The following OMA1 variants were observed in gnomAD, a reference collection of about 807,000 sequenced individuals.
OMA1 encodes the protein OMA1 zinc metallopeptidase, also known as metalloendopeptidase OMA1, mitochondrial.
OMA1 carries 38 observed loss-of-function variants against 30.9 expected under a neutral mutation model. That is an observed-to-expected ratio of 1.23 (90% CI 0.95 to 1.61). OMA1 has a LOEUF of 1.61. Among genes scored for constraint, OMA1 ranks in the 40% most tolerant of loss-of-function variants. The probability of loss-of-function intolerance (pLI) is 0.00; values close to 1 mark genes in which losing one functional copy is unlikely to be tolerated. For synonymous variants in OMA1, 173 were observed against 121.9 expected, an observed-to-expected ratio of 1.42 and a Z score of -2.76; for missense variants, 461 against 349.2, an observed-to-expected ratio of 1.32 and a Z score of -2.55.
At chr1:58,483,315 G>A (rs560152813) in intron 8 of OMA1, among the ~76,000 whole-genome samples, 1 of 152,254 alleles carries the variant, frequency 6.6e-6, no homozygotes, top group African/African-American at 2.4e-5. Context: ...GGGTATGGTA[G>A]GGGCACAGGT....
intron 1 of OMA1, among the ~76,000 whole-genome samples, chr1:58,543,335 G>A (rs577041873): frequency 6.6e-6 from 1 of 152,286 alleles, no homozygotes; most frequent in South Asian, 2.1e-4. Context: ...ACTTTGCAAA[G>A]CCAAATTTAC....
intron 7 of OMA1, among the ~76,000 whole-genome samples, chr1:58,526,083 T>C (rs1646345392): frequency 6.6e-6 from 1 of 152,096 alleles, no homozygotes; most frequent in Non-Finnish European, 1.5e-5. Context: ...AGGAATAACT[T>C]ACTGAGATAA....
intron 8 of OMA1, among the ~76,000 whole-genome samples, chr1:58,493,454 T>C (rs1450325564): frequency 6.6e-6 from 1 of 151,696 alleles, no homozygotes; most frequent in Non-Finnish European, 1.5e-5. Context: ...GGGTATTCAA[T>C]TAGGAAAAGA....
chr1:58,538,159 A>G lies in OMA1; in HGVS notation c.500+636T>C, dbSNP rs1237867007. On this transcript the variant is annotated intron_variant, in intron 2 of 8. Coordinates refer to ENST00000371226, the MANE Select transcript of OMA1 (RefSeq NM_145243.5). ...TCATCAAACACAAGAAAGCTTTATGAAGAAACAGTGATTAGCTTTCTTCCA... is the reference window on the plus strand; with the variant it reads ...TCATCAAACACAAGAAAGCTTTATGGAGAAACAGTGATTAGCTTTCTTCCA... 2.0e-5 allele frequency among the ~76,000 whole-genome samples: 3 copies of G among 152,362 alleles called. No individual in the cohort carries two copies. The East Asian group carries it at 5.8e-4, about 29-fold the overall frequency.
chr1:58,530,786 T>G, intron 5 of OMA1, 57 bp from the exon 6 acceptor site: 1 of 820,092 alleles, frequency 1.2e-6, no homozygotes, highest in Non-Finnish European at 2.1e-6. Context: ...AGTATATGCT[T>G]ACATTTTCTA....
chr1:58,521,924 C>G (rs1299599792), intron 7 of OMA1, among the ~76,000 whole-genome samples: 4 of 152,174 alleles, frequency 2.6e-5, no homozygotes, highest in Non-Finnish European at 5.9e-5. Flanking sequence ...GCCAGCATAA[C>G]TTTGATTCCA....
intron 7 of OMA1, among the ~76,000 whole-genome samples, chr1:58,521,068 T>C (rs765122003): frequency 3.3e-4 from 50 of 152,168 alleles, no homozygotes; most frequent in Non-Finnish European, 2.8e-4. Flanking sequence ...CCAACCCTTT[T>C]CAAAGGATTC....
intron 8 of OMA1, among the ~76,000 whole-genome samples, chr1:58,488,796 G>A (rs1313139377): frequency 1.3e-5 from 2 of 152,136 alleles, no homozygotes; most frequent in African/African-American, 2.4e-5. Flanking sequence ...TGTTTCCCCT[G>A]AGCCCCCAAA....
rs115947801 is a variant in OMA1 at position 58,503,278 on chromosome 1, G to A, written c.1365+2782C>T. On this transcript the variant is annotated intron_variant, in intron 8 of 8. Coordinates refer to ENST00000371226, the MANE Select transcript of OMA1 (RefSeq NM_145243.5). Reference sequence around the variant, plus strand: ...CCTCCCAGGGTGCGATAAAGTCCCAGGGGCCTTGGATAGCACAAAGGACCC... The same window carrying A: ...CCTCCCAGGGTGCGATAAAGTCCCAAGGGCCTTGGATAGCACAAAGGACCC... Among the ~76,000 whole-genome samples the A allele has an allele frequency of 3.9e-3, 598 of 152,238 alleles. 2 individuals carry two copies. Among genetic ancestry groups the A allele is most frequent in the African/African-American group, 0.013 (549 of 41,560 alleles).
rs1645473233 is a variant in OMA1, at chr1:58,481,061, T to C, written c.1479A>G (p.Leu493=). 1.1e-6 allele frequency: 1 copy of C among 872,114 alleles called. No homozygotes were observed. Among genetic ancestry groups the C allele is most frequent in the Non-Finnish European group, 2.0e-6 (1 of 501,270 alleles). 54.0% of individuals were successfully genotyped at this position (872,114 alleles called of 1,614,324 possible). A position where few individuals can be genotyped will look rare whatever the true frequency, so the allele number is the denominator to read the frequency against. The change falls in exon 9 of 9, where the codon CTA becomes CTG. Residue 493 remains leucine, a synonymous_variant. Transcript: ENST00000371226. ...HFLEESEKED[L]NITKKQKMDT... ...CCATTTTCTGTTTCTTCGTGATATT[T>C]AGGTCTTCTTTCTCTGATTCTTCAA...
intron 8 of OMA1, among the ~76,000 whole-genome samples, chr1:58,489,418 C>A (rs910532758): frequency 6.6e-6 from 1 of 152,148 alleles, no homozygotes; most frequent in Non-Finnish European, 1.5e-5. Flanking sequence ...ATTGCCGAGG[C>A]TTGAGTAGGT....
rs201161948 is a variant in OMA1 at position 58,539,222 on chromosome 1, A to G, written c.73T>C (p.Trp25Arg). 90 of 872,376 alleles carry G rather than the reference A, an allele frequency of 1.0e-4. No homozygotes were observed. The Admixed American group carries it at 1.5e-3, about 14-fold the overall frequency. 54.0% of individuals were successfully genotyped at this position (872,376 alleles called of 1,614,324 possible). ...VFFRFNSLSN[W>R]RKCNTLASTS... Reference sequence around the variant, plus strand: ...GATGCTAATGTGTTACATTTTCTCCAGTTAGACAGTGAATTAAATCGGAAG... The same window carrying G: ...GATGCTAATGTGTTACATTTTCTCCGGTTAGACAGTGAATTAAATCGGAAG... The change falls in exon 2 of 9, where the codon TGG (tryptophan) becomes CGG (arginine). Residue 25 changes from tryptophan to arginine, a missense_variant. Trp to Arg is a moderately radical substitution (Grantham distance 101). Coordinates refer to ENST00000371226, the MANE Select transcript of OMA1 (RefSeq NM_145243.5).
At chr1:58,487,563 T>C (rs1645596680) in intron 8 of OMA1, among the ~76,000 whole-genome samples, 1 of 152,214 alleles carries the variant, frequency 6.6e-6, no homozygotes, top group Non-Finnish European at 1.5e-5. Context: ...TCTGAACTTC[T>C]GAAAAAATTC....
At chr1:58,482,409 A>C (rs1056843171) in intron 8 of OMA1, among the ~76,000 whole-genome samples, 1 of 152,234 alleles carries the variant, frequency 6.6e-6, no homozygotes, top group Non-Finnish European at 1.5e-5. Flanking sequence ...TAGCCTTAGA[A>C]CTATTTAACT....
At chr1:58,546,005 CA>C (rs892200971) in intron 1 of OMA1, among the ~76,000 whole-genome samples, 14 of 152,296 alleles carry the variant, frequency 9.2e-5, no homozygotes, top group Middle Eastern at 3.4e-3. Context: ...GCCTGAATGC[CA>C]AATAAGGGAT....
Position 58,537,786 on chromosome 1 carries a change from C to T in OMA1, c.500+1009G>A, listed in dbSNP as rs931055816. On this transcript the variant is annotated intron_variant, in intron 2 of 8. Coordinates refer to ENST00000371226, the MANE Select transcript of OMA1 (RefSeq NM_145243.5). The stretch of plus-strand genomic sequence containing the variant: ...GACATAAATCAAACTATCGAGTATA[C>T]TTATTTCCTATTTAAAACTTTACAT... Among the ~76,000 whole-genome samples, 12 of 152,094 alleles carry T rather than the reference C, an allele frequency of 7.9e-5. No homozygotes were observed. In the East Asian group the frequency reaches 2.1e-3, roughly 27 times the overall value.
At chr1:58,525,294 A>T (rs908545276) in intron 7 of OMA1, among the ~76,000 whole-genome samples, 3 of 152,130 alleles carry the variant, frequency 2.0e-5, no homozygotes, top group African/African-American at 7.2e-5. Flanking sequence ...AAAACCTTCC[A>T]ATATATTTAT....
chr1:58,534,293 T>C lies in OMA1; in HGVS notation c.768A>G (p.Lys256=). Residue 256 remains lysine, a synonymous_variant, in exon 4 of 9, where the codon AAA becomes AAG. Transcript: ENST00000371226. ...CTTTAACAGCCAGGTATCGGGCATC[T>C]TTCTCAGTTAGCATATCATTTTTAA... ...EEFKNDMLTE[K]DARYLAVKEV... 1.2e-6 allele frequency: 1 copy of C among 866,422 alleles called. No individual in the cohort carries two copies. The highest frequency in any genetic ancestry group is 2.0e-6 in the Non-Finnish European group (1 of 500,284). 53.7% of individuals were successfully genotyped at this position (866,422 alleles called of 1,614,324 possible).
chr1:58,512,047 A>G (rs1008939555), intron 7 of OMA1, among the ~76,000 whole-genome samples: 22 of 152,196 alleles, frequency 1.4e-4, no homozygotes, highest in African/African-American at 5.1e-4. Flanking sequence ...AAGAATTTCT[A>G]CAACTCAATA....
Sources: gnomAD v4.1 joint callset for allele counts (sites outside exome capture counted in the v4.1 genomes callset) on GRCh38, gnomAD v4.1.1 for gene constraint, MANE v1.5 for transcripts, NCBI Gene and HGNC (gene_info 2026-07-23, HGNC 2026-07-21) for gene names.